The following GPC5 variants were observed in gnomAD, a reference collection of about 807,000 sequenced individuals.
GPC5 encodes glypican-5.
A neutral mutation model predicts 53.9 loss-of-function variants in GPC5; 47 were observed. The observed-to-expected ratio is 0.87, with a 90% CI of 0.69 to 1.11. The LOEUF (loss-of-function observed/expected upper bound fraction) is 1.11. Ranked by LOEUF, GPC5 falls within the 50% of genes most tolerant of loss-of-function variation. The probability of loss-of-function intolerance (pLI) is 0.00; values close to 1 mark genes in which losing one functional copy is unlikely to be tolerated. For synonymous variants in GPC5, 286 were observed against 263.3 expected (o/e 1.09, Z -0.84); for missense variants, 748 against 713.1 (o/e 1.05, Z -0.56).
chr13:91,471,714 G>T (rs1477034080), intron 2 of GPC5, among the ~76,000 whole-genome samples: 1 of 151,944 alleles, frequency 6.6e-6, no homozygotes, highest in Non-Finnish European at 1.5e-5. Context: ...ATCCTGACTC[G>T]GAGATCATTT....
chr13:92,853,708 A>C (rs1878890365), intron 7 of GPC5, among the ~76,000 whole-genome samples: 1 of 152,194 alleles, frequency 6.6e-6, no homozygotes, highest in Non-Finnish European at 1.5e-5. Context: ...AAACTGGAGA[A>C]CATGTTCAGG....
intron 6 of GPC5, among the ~76,000 whole-genome samples, chr13:91,973,923 C>T (rs576436666): frequency 5.3e-5 from 8 of 152,290 alleles, no homozygotes; most frequent in East Asian, 3.9e-4. Flanking sequence ...TTAGGCTGCT[C>T]GGGGTTCAGG....
At chr13:91,810,497 T>C (rs546172363) in intron 5 of GPC5, among the ~76,000 whole-genome samples, 1 of 152,000 alleles carries the variant, frequency 6.6e-6, no homozygotes, top group Non-Finnish European at 1.5e-5. Flanking sequence ...GAGAACTCTC[T>C]CTTTTTGCTG....
At chr13:91,493,729 C>T (rs1434526643) in intron 2 of GPC5, among the ~76,000 whole-genome samples, 2 of 152,168 alleles carry the variant, frequency 1.3e-5, no homozygotes, top group Non-Finnish European at 2.9e-5. Flanking sequence ...TATTCTCTTT[C>T]CTCAAAGTTC....
At chr13:92,108,173 C>T (rs1024797045) in intron 6 of GPC5, among the ~76,000 whole-genome samples, 3 of 152,036 alleles carry the variant, frequency 2.0e-5, no homozygotes, top group African/African-American at 7.2e-5. Flanking sequence ...TCTTGAAATT[C>T]CTTCATTCTA....
intron 3 of GPC5, among the ~76,000 whole-genome samples, chr13:91,711,500 T>G (rs923047133): frequency 1.3e-5 from 2 of 152,148 alleles, no homozygotes; most frequent in African/African-American, 4.8e-5. Flanking sequence ...AAATACCTAA[T>G]GTAAATGATG....
At chr13:91,993,180 A>G (rs2040472679) in intron 6 of GPC5, among the ~76,000 whole-genome samples, 1 of 152,218 alleles carries the variant, frequency 6.6e-6, no homozygotes, top group South Asian at 2.1e-4. Flanking sequence ...TTTTTGCTAA[A>G]GAACACAGCT....
At chr13:91,930,991 T>C (rs1007065932) in intron 6 of GPC5, among the ~76,000 whole-genome samples, 1 of 152,110 alleles carries the variant, frequency 6.6e-6, no homozygotes, top group African/African-American at 2.4e-5. Context: ...AAACATTATG[T>C]CTGCTAGCAT....
chr13:92,593,082 T>C (rs1317850258), intron 7 of GPC5, among the ~76,000 whole-genome samples: 1 of 151,172 alleles, frequency 6.6e-6, no homozygotes, highest in Non-Finnish European at 1.5e-5. Context: ...GGGGATGAAC[T>C]GAGTAGCCAA....
At chr13:92,237,014 C>G (rs1265015537) in intron 7 of GPC5, among the ~76,000 whole-genome samples, 1 of 151,974 alleles carries the variant, frequency 6.6e-6, no homozygotes, top group African/African-American at 2.4e-5. Flanking sequence ...ATTTCCTTTT[C>G]TCTGGTTGCA....
chr13:91,475,988 C>T (rs1003237710), intron 2 of GPC5, among the ~76,000 whole-genome samples: 6 of 152,178 alleles, frequency 3.9e-5, no homozygotes, highest in African/African-American at 1.4e-4. Context: ...ATAAACGAAT[C>T]TGCTATTATC....
intron 2 of GPC5, among the ~76,000 whole-genome samples, chr13:91,563,274 T>C (rs574220658): frequency 6.6e-6 from 1 of 152,246 alleles, no homozygotes; most frequent in Non-Finnish European, 1.5e-5. Context: ...TACACAAACA[T>C]ATGCACCTGC....
intron 1 of GPC5, among the ~76,000 whole-genome samples, chr13:91,421,244 G>A (rs887926225): frequency 2.0e-5 from 3 of 151,964 alleles, no homozygotes; most frequent in African/African-American, 7.3e-5. Context: ...TGTAGCCTGG[G>A]GTAGAAACTT....
Position 91,693,460 on chromosome 13 carries a change from A to G in GPC5, c.599A>G (p.Asp200Gly), listed in dbSNP as rs776648970. 6.8e-6 allele frequency: 11 copies of G among 1,613,950 alleles called. No homozygotes were observed. Among genetic ancestry groups the G allele is most frequent in the Non-Finnish European group, 8.5e-6 (10 of 1,180,012 alleles). Reference protein sequence around the residue: ...YSECIRMARRDVSPFGNIPQR... With the variant: ...YSECIRMARRGVSPFGNIPQR... ...GAATGCATCCGGATGGCTCGCCGGG[A>G]TGTGAGTCCATTTGGTAATATTCCC... Residue 200 changes from aspartate (D) to glycine (G), a missense_variant, in exon 3 of 8, where the codon GAT (aspartate) becomes GGT (glycine). Physicochemically the swap from Asp to Gly is moderately conservative, Grantham distance 94 (BLOSUM62 -1). Transcript: ENST00000377067.
At chr13:92,178,979 A>G (rs2042127883) in intron 7 of GPC5, among the ~76,000 whole-genome samples, 1 of 151,928 alleles carries the variant, frequency 6.6e-6, no homozygotes, top group Admixed American at 6.5e-5. Flanking sequence ...TCAAAAAATA[A>G]ATGAATAAAT....
chr13:92,842,846 A>G (rs1414615047), intron 7 of GPC5, among the ~76,000 whole-genome samples: 1 of 152,176 alleles, frequency 6.6e-6, no homozygotes, highest in Non-Finnish European at 1.5e-5. Context: ...CAAAATAAAA[A>G]TGTTTATAAT....
intron 7 of GPC5, chr13:92,340,697 TATAAA>T (rs973857666): frequency 2.6e-5 from 4 of 152,106 alleles, no homozygotes; most frequent in African/African-American, 9.7e-5. Flanking sequence ...ACTGTTAAGA[TATAAA>T]ATAAAAAATC....
In GPC5 at chr13:91,788,344, A is replaced by G. The variant is rs1252961106; in HGVS notation, c.1280+31924A>G. Among the ~76,000 whole-genome samples the G allele has an allele frequency of 6.6e-5, 10 of 152,268 alleles. 1 individual carries two copies. Among genetic ancestry groups the G allele is most frequent in the Admixed American group, 3.9e-4 (6 of 15,290 alleles). Reference sequence around the variant, plus strand: ...ACTCTCATGACCTAATCTAACCCTAATTACTTCCCCAAGTCCTCACCTTTA... The same window carrying G: ...ACTCTCATGACCTAATCTAACCCTAGTTACTTCCCCAAGTCCTCACCTTTA... On this transcript the variant is annotated intron_variant, in intron 5 of 7. Transcript: ENST00000377067.
At chr13:92,483,415 A>C (rs892759712) in intron 7 of GPC5, among the ~76,000 whole-genome samples, 2 of 152,188 alleles carry the variant, frequency 1.3e-5, no homozygotes, top group African/African-American at 4.8e-5. Context: ...GTCTCTAAAC[A>C]TAGAGAAGAT....
Sources: allele counts gnomAD v4.1 joint callset (sites outside exome capture counted in the v4.1 genomes callset), GRCh38; gene constraint gnomAD v4.1.1; transcripts MANE v1.5; gene names NCBI Gene and HGNC (gene_info 2026-07-23, HGNC 2026-07-21).